The following PCDHGB2 variants were observed in gnomAD, a reference collection of about 807,000 sequenced individuals.
PCDHGB2 encodes the protein protocadherin gamma subfamily B, 2, also known as protocadherin gamma-B2.
PCDHGB2 carries 55 observed loss-of-function variants against 59.3 expected under a neutral mutation model. That is an observed-to-expected ratio of 0.93 (90% confidence interval 0.75 to 1.16). The LOEUF is 1.16. Ranked by LOEUF, PCDHGB2 falls within the 50% of genes most tolerant of loss-of-function variation. The pLI, the probability that PCDHGB2 is intolerant of heterozygous loss-of-function variation, is 0.00. For synonymous variants in PCDHGB2, 516 were observed against 512.0 expected, an observed-to-expected ratio of 1.01 and a Z score of -0.11; for missense variants, 1,228 against 1,198.5, an observed-to-expected ratio of 1.02 and a Z score of -0.36.
Position 141,476,605 on chromosome 5 carries a change from T to C in PCDHGB2, c.2422-18202T>C, listed in dbSNP as rs1394742940. ...CGCTCGAGAGCGCGCACGATCCCGATGTGGGAAGCAACTCTTTACAAACCT... is the reference window on the plus strand; with the variant it reads ...CGCTCGAGAGCGCGCACGATCCCGACGTGGGAAGCAACTCTTTACAAACCT... On this transcript the variant is annotated intron_variant, in intron 1 of 3. Transcript: ENST00000522605. This position sits in a 1 kb window ranked among gnomAD's most constrained non-coding sequence, Gnocchi z 7.6. 1.9e-6 allele frequency: 3 copies of C among 1,614,066 alleles called. No individual in the cohort carries two copies. In the East Asian group the frequency reaches 6.7e-5, roughly 36 times the overall value.
chr5:141,405,414 T>G, intron 1 of PCDHGB2: 3 of 1,562,312 alleles, frequency 1.9e-6, no homozygotes, highest in Non-Finnish European at 2.6e-6. Flanking sequence ...TTTCTTTTTT[T>G]GTTTTTTGTT....
intron 1 of PCDHGB2, chr5:141,366,404 T>C (rs1404249999): frequency 6.8e-6 from 11 of 1,614,180 alleles, no homozygotes; most frequent in Non-Finnish European, 9.3e-6. Context: ...CCTCACACTC[T>C]ATCTTGTGGT....
intron 1 of PCDHGB2, chr5:141,398,155 C>G (rs1238092530): frequency 1.3e-5 from 19 of 1,492,684 alleles, no homozygotes; most frequent in Non-Finnish European, 1.7e-5. Flanking sequence ...GGAGCTGGGC[C>G]GGGCTGAGAG....
At chr5:141,422,587 C>G in intron 1 of PCDHGB2, 2 of 1,614,032 alleles carry the variant, frequency 1.2e-6, no homozygotes, top group Non-Finnish European at 1.7e-6. Flanking sequence ...TCCCGTTTTT[C>G]CTCACTCCTC....
rs1171139053 is a variant in PCDHGB2, at chr5:141,361,023, A to T, written c.888A>T (p.Glu296Asp). Residue 296 changes from glutamate (E) to aspartate (D), a missense_variant, in exon 1 of 4, where the codon GAA becomes GAT. Physicochemically the swap from Glu to Asp is conservative, Grantham distance 45 (BLOSUM62 2). Coordinates refer to ENST00000522605, the MANE Select transcript of PCDHGB2 (RefSeq NM_018923.3). Reference sequence around the variant, plus strand: ...TGAAACACTTTTTCAACTTAAATGAAAAAACAGGAGAAATCACGACAAAGG... The same window carrying T: ...TGAAACACTTTTTCAACTTAAATGATAAAACAGGAGAAATCACGACAAAGG... ...EQVKHFFNLNEKTGEITTKDD... is the reference protein window; with the variant it reads ...EQVKHFFNLNDKTGEITTKDD... 6.2e-7 allele frequency: 1 copy of T among 1,613,384 alleles called. No individual in the cohort carries two copies. The highest frequency in any genetic ancestry group is 8.5e-7 in the Non-Finnish European group (1 of 1,179,542).
intron 1 of PCDHGB2, chr5:141,364,922 C>G: frequency 1.2e-6 from 2 of 1,613,948 alleles, no homozygotes; most frequent in Non-Finnish European, 8.5e-7. Context: ...GGTGTTGGAA[C>G]AGCCCCTAGA....
Position 141,432,812 on chromosome 5 carries a change from G to A in PCDHGB2, c.2422-61995G>A, listed in dbSNP as rs753429933. ...CAGCCTCGAGTCTCCAGCTAACTCT[G>A]AAACCTCAGACCTCACTCTGTACCT... On this transcript the variant is annotated intron_variant, in intron 1 of 3. Coordinates refer to ENST00000522605, the MANE Select transcript of PCDHGB2 (RefSeq NM_018923.3). This position sits in a 1 kb window ranked among gnomAD's most constrained non-coding sequence, Gnocchi z 6.0. 1.2e-6 allele frequency: 2 copies of A among 1,614,176 alleles called. No homozygotes were observed. Among genetic ancestry groups the A allele is most frequent in the Non-Finnish European group, 1.7e-6 (2 of 1,180,014 alleles).
chr5:141,485,116 G>T lies in PCDHGB2; in HGVS notation c.2422-9691G>T, dbSNP rs904145668. ...TGTCTCCAGCTGCTGTGGCTGTTTGGGGCGGGTCGGCTTCATCCGCGTCTC... is the reference window on the plus strand; with the variant it reads ...TGTCTCCAGCTGCTGTGGCTGTTTGTGGCGGGTCGGCTTCATCCGCGTCTC... On this transcript the variant is annotated intron_variant, in intron 1 of 3. Coordinates refer to ENST00000522605, the MANE Select transcript of PCDHGB2 (RefSeq NM_018923.3). This position sits in a 1 kb window ranked among gnomAD's most constrained non-coding sequence, Gnocchi z 5.7. 3.0e-6 allele frequency: 4 copies of T among 1,312,058 alleles called. No homozygotes were observed. The African/African-American group carries it at 5.8e-5, about 19-fold the overall frequency. 81.3% of individuals were successfully genotyped at this position (1,312,058 alleles called of 1,614,324 possible).
Position 141,423,580 on chromosome 5 carries a change from A to C in PCDHGB2, c.2421+61024A>C, listed in dbSNP as rs368022774. 46 of 1,613,286 alleles carry C rather than the reference A, an allele frequency of 2.9e-5. No individual in the cohort carries two copies. In the African/African-American group the frequency reaches 5.6e-4, roughly 20 times the overall value. On this transcript the variant is annotated intron_variant, in intron 1 of 3. Coordinates refer to ENST00000522605, the MANE Select transcript of PCDHGB2 (RefSeq NM_018923.3). ...TGGGGACACGCTCATCAGCCAGGAGAGCTGTGAGAAAAGCGAGCCACTCTT... is the reference window on the plus strand; with the variant it reads ...TGGGGACACGCTCATCAGCCAGGAGCGCTGTGAGAAAAGCGAGCCACTCTT...
intron 1 of PCDHGB2, chr5:141,393,074 G>A (rs775449711): frequency 3.7e-6 from 6 of 1,613,710 alleles, no homozygotes; most frequent in Non-Finnish European, 5.1e-6. Context: ...TGATCACCGC[G>A]GGCAGGATAG....
In PCDHGB2 at chr5:141,485,910, G is replaced by C. The variant is rs142273728; in HGVS notation, c.2422-8897G>C. On this transcript the variant is annotated intron_variant, in intron 1 of 3. Transcript: ENST00000522605. The surrounding 1 kb of genome is among the most constrained non-coding windows in gnomAD (Gnocchi z 5.7). ...AACGCCCCAGCCTTCCAGCAATCCAGCTACAGGATTAGTGTGTTGGAGAGC... is the reference window on the plus strand; with the variant it reads ...AACGCCCCAGCCTTCCAGCAATCCACCTACAGGATTAGTGTGTTGGAGAGC... The C allele has an allele frequency of 1.2e-6, 2 of 1,614,078 alleles. No homozygotes were observed. Among genetic ancestry groups the C allele is most frequent in the African/African-American group, 2.7e-5 (2 of 74,932 alleles).
chr5:141,450,258 T>A (rs1267755848), intron 1 of PCDHGB2, among the ~76,000 whole-genome samples: 1 of 152,096 alleles, frequency 6.6e-6, no homozygotes, highest in Non-Finnish European at 1.5e-5. Context: ...CCTCAAGTGA[T>A]CTGCCCACCT....
At chr5:141,423,642 T>C (rs1293550754) in intron 1 of PCDHGB2, 2 of 1,596,770 alleles carry the variant, frequency 1.3e-6, no homozygotes, top group African/African-American at 2.7e-5. Flanking sequence ...TAGGCAAATG[T>C]GACCCGACAA....
At chr5:141,510,850 G>A in intron 3 of PCDHGB2, 97 bp from the exon 4 acceptor site, 4 of 1,599,444 alleles carry the variant, frequency 2.5e-6, no homozygotes, top group South Asian at 1.1e-5. Context: ...AAGGCCCAGG[G>A]TGCTGTATAG....
intron 1 of PCDHGB2, chr5:141,387,838 A>G: frequency 6.3e-7 from 1 of 1,598,726 alleles, no homozygotes; most frequent in East Asian, 2.2e-5. Context: ...GGTTATTTGT[A>G]ACCCGGCGTC....
chr5:141,476,535 T>C lies in PCDHGB2; in HGVS notation c.2422-18272T>C. 5 of 1,614,038 alleles carry C rather than the reference T, an allele frequency of 3.1e-6. No individual in the cohort carries two copies. The highest frequency in any genetic ancestry group is 4.2e-6 in the Non-Finnish European group (5 of 1,180,010). On this transcript the variant is annotated intron_variant, in intron 1 of 3. Coordinates refer to ENST00000522605, the MANE Select transcript of PCDHGB2 (RefSeq NM_018923.3). The surrounding 1 kb of genome is among the most constrained non-coding windows in gnomAD (Gnocchi z 7.6). ...AATCCTGCTTTCCCTACCCAGGAAA[T>C]GAAATTGGAGATTAGCGAGGCCGTG...
intron 1 of PCDHGB2, chr5:141,364,232 G>A: frequency 1.4e-6 from 2 of 1,395,048 alleles, no homozygotes; most frequent in Non-Finnish European, 1.9e-6. Context: ...AACGCTCCAC[G>A]CCCATTTTCG....
chr5:141,472,465 A>C (rs886879646), intron 1 of PCDHGB2, among the ~76,000 whole-genome samples: 4 of 152,032 alleles, frequency 2.6e-5, no homozygotes, highest in Non-Finnish European at 5.9e-5. Flanking sequence ...GCTTGAACCC[A>C]GAAGGCAGAG....
intron 1 of PCDHGB2, among the ~76,000 whole-genome samples, chr5:141,386,699 G>A (rs2150319335): frequency 6.6e-6 from 1 of 152,226 alleles, no homozygotes; most frequent in Non-Finnish European, 1.5e-5. Context: ...TGGGGTAGAA[G>A]ACAATGTTGC....
Sources: allele counts gnomAD v4.1 joint callset (sites outside exome capture counted in the v4.1 genomes callset), GRCh38; gene constraint gnomAD v4.1.1; non-coding constraint Gnocchi (gnomAD v3.1); transcripts MANE v1.5; gene names NCBI Gene and HGNC (gene_info 2026-07-23, HGNC 2026-07-21).